The following LHFPL3 variants were observed in gnomAD, a reference collection of about 807,000 sequenced individuals.
LHFPL3 encodes the protein LHFPL tetraspan subfamily member 3.
A neutral mutation model predicts 19.3 loss-of-function variants in LHFPL3; 5 were observed. That is an observed-to-expected ratio of 0.26 (90% CI 0.14 to 0.54). LHFPL3 has a LOEUF of 0.54. Ranked by LOEUF, LHFPL3 falls within the 20% of genes least tolerant of loss-of-function variation. LHFPL3 has a pLI of 0.94. For missense variants in LHFPL3, 249 were observed against 307.4 expected (o/e 0.81, Z 1.42); for synonymous variants, 133 against 126.2 (o/e 1.05, Z -0.36).
At chr7:104,527,505 A>C (rs186384922) in intron 1 of LHFPL3, among the ~76,000 whole-genome samples, 1 of 152,314 alleles carries the variant, frequency 6.6e-6, no homozygotes, top group East Asian at 1.9e-4. Flanking sequence ...GAGTTTCTGC[A>C]AGAAGAGGGG....
At chr7:104,582,108 T>G (rs1428397255) in intron 1 of LHFPL3, among the ~76,000 whole-genome samples, 1 of 151,948 alleles carries the variant, frequency 6.6e-6, no homozygotes, top group Non-Finnish European at 1.5e-5. Context: ...CCCCATTTAT[T>G]TAGTGTTCTT....
At chr7:104,558,181 T>G (rs1258079049) in intron 1 of LHFPL3, among the ~76,000 whole-genome samples, 2 of 151,728 alleles carry the variant, frequency 1.3e-5, no homozygotes, top group African/African-American at 2.4e-5. Context: ...TATAGTCCTT[T>G]GGGTATATAC....
rs539797056 is a variant in LHFPL3, at chr7:104,868,784, A to G, written c.683-37403A>G. On this transcript the variant is annotated intron_variant, in intron 2 of 2. Coordinates refer to ENST00000424859, the MANE Select transcript of LHFPL3 (RefSeq NM_199000.3). The stretch of plus-strand genomic sequence containing the variant: ...CATTGCCAAGTCAATCCTAACCCAA[A>G]AGAACAAAACTGGAGGCATCACGCT... Among the ~76,000 whole-genome samples, 4 of 152,296 alleles carry G rather than the reference A, an allele frequency of 2.6e-5. No homozygotes were observed. In the South Asian group the frequency reaches 8.3e-4, roughly 32 times the overall value.
intron 2 of LHFPL3, among the ~76,000 whole-genome samples, chr7:104,850,785 C>T (rs1791402412): frequency 6.6e-6 from 1 of 151,826 alleles, no homozygotes; most frequent in Non-Finnish European, 1.5e-5. Flanking sequence ...TCTGAGATAC[C>T]CCCCCACCCC....
At chr7:104,601,309 C>T (rs1790961932) in intron 1 of LHFPL3, among the ~76,000 whole-genome samples, 2 of 152,154 alleles carry the variant, frequency 1.3e-5, no homozygotes, top group African/African-American at 4.8e-5. Flanking sequence ...TATCTCTTAA[C>T]TCTTATGATT....
chr7:104,509,021 A>G (rs943940158), intron 1 of LHFPL3, among the ~76,000 whole-genome samples: 2 of 152,148 alleles, frequency 1.3e-5, no homozygotes, highest in Non-Finnish European at 2.9e-5. Flanking sequence ...CAATTTCTGA[A>G]CAAACACAAA....
At chr7:104,632,356 C>T (rs1466050000) in intron 1 of LHFPL3, among the ~76,000 whole-genome samples, 1 of 152,052 alleles carries the variant, frequency 6.6e-6, no homozygotes, top group Non-Finnish European at 1.5e-5. Context: ...TTTAATATGA[C>T]CTTCAGGATG....
At chr7:104,474,592 G>A (rs758196061) in intron 1 of LHFPL3, among the ~76,000 whole-genome samples, 12 of 151,144 alleles carry the variant, frequency 7.9e-5, no homozygotes, top group East Asian at 7.8e-4. Context: ...GCGTGAACCC[G>A]GGAGGCGGAG....
intron 1 of LHFPL3, among the ~76,000 whole-genome samples, chr7:104,371,512 A>T (rs568216581): frequency 2.0e-5 from 3 of 152,318 alleles, no homozygotes; most frequent in African/African-American, 7.2e-5. Context: ...ATTGCTTTCT[A>T]GTCCTCTGAG....
intron 1 of LHFPL3, among the ~76,000 whole-genome samples, chr7:104,458,424 G>T (rs1433706053): frequency 6.6e-6 from 1 of 152,120 alleles, no homozygotes; most frequent in Non-Finnish European, 1.5e-5. Context: ...TCAGATAGTT[G>T]TAGATATGCG....
At chr7:104,891,669 G>A (rs1041128407) in intron 2 of LHFPL3, among the ~76,000 whole-genome samples, 8 of 152,220 alleles carry the variant, frequency 5.3e-5, no homozygotes, top group African/African-American at 1.9e-4. Flanking sequence ...GGCAGAGGTT[G>A]GGAAGCCTTT....
chr7:104,596,934 A>G (rs1197479156), intron 1 of LHFPL3, among the ~76,000 whole-genome samples: 2 of 152,290 alleles, frequency 1.3e-5, no homozygotes, highest in East Asian at 1.9e-4. Context: ...TTTATCCCCA[A>G]TATTAATTCC....
At chr7:104,550,058 A>C (rs1794639329) in intron 1 of LHFPL3, among the ~76,000 whole-genome samples, 1 of 152,146 alleles carries the variant, frequency 6.6e-6, no homozygotes. Context: ...CCAGCAGACA[A>C]GAGACCTAGA....
chr7:104,871,728 G>A (rs1024774266), intron 2 of LHFPL3, among the ~76,000 whole-genome samples: 4 of 151,786 alleles, frequency 2.6e-5, no homozygotes, highest in Non-Finnish European at 4.4e-5. Context: ...GCTCAGTCTC[G>A]GTTCACTGCA....
chr7:104,369,084 T>G (rs1032616792), intron 1 of LHFPL3, among the ~76,000 whole-genome samples: 4 of 152,194 alleles, frequency 2.6e-5, no homozygotes, highest in African/African-American at 9.7e-5. Context: ...ACTCAAAAAT[T>G]TGTTCATTAA....
chr7:104,570,029 G>T (rs181566394), intron 1 of LHFPL3, among the ~76,000 whole-genome samples: 6 of 152,286 alleles, frequency 3.9e-5, no homozygotes, highest in African/African-American at 1.2e-4. Flanking sequence ...AGTCTTATGC[G>T]AAAATGCTAA....
intron 1 of LHFPL3, among the ~76,000 whole-genome samples, chr7:104,702,187 C>T (rs1456831943): frequency 1.3e-5 from 2 of 152,086 alleles, no homozygotes; most frequent in African/African-American, 2.4e-5. Context: ...CATCCATGTC[C>T]CTGTAAGGGA....
chr7:104,339,179 T>C (rs1789899509), intron 1 of LHFPL3, among the ~76,000 whole-genome samples: 1 of 151,600 alleles, frequency 6.6e-6, no homozygotes, highest in Non-Finnish European at 1.5e-5. Context: ...ACCCAGGAGG[T>C]GGACGTTGCA....
At chr7:104,720,339 T>C (rs570237566) in intron 1 of LHFPL3, among the ~76,000 whole-genome samples, 1 of 152,302 alleles carries the variant, frequency 6.6e-6, no homozygotes, top group South Asian at 2.1e-4. Flanking sequence ...GCTAGCCATA[T>C]GTAGAAAGCT....
Sources: allele counts gnomAD v4.1 joint callset (sites outside exome capture counted in the v4.1 genomes callset), GRCh38; gene constraint gnomAD v4.1.1; transcripts MANE v1.5; gene names NCBI Gene and HGNC (gene_info 2026-07-23, HGNC 2026-07-21).